ELFN1: variants seen among roughly 807,000 people sequenced by gnomAD.
The protein encoded by ELFN1 is extracellular leucine rich repeat and fibronectin type III domain containing 1.
ELFN1 carries 6 observed loss-of-function variants against 7.6 expected under a neutral mutation model. That is an observed-to-expected ratio of 0.79 (90% CI 0.43 to 1.56). The LOEUF is 1.56. ELFN1 is among the 40% of genes most tolerant of loss of function. The probability of loss-of-function intolerance (pLI) is 0.01; values close to 1 mark genes in which losing one functional copy is unlikely to be tolerated. For synonymous variants in ELFN1, 657 were observed against 588.1 expected (o/e 1.12, Z -1.70); for missense variants, 1,169 against 1,232.2 (o/e 0.95, Z 0.77).
intron 1 of ELFN1, among the ~76,000 whole-genome samples, chr7:1,674,876 C>T (rs768286646): frequency 1.3e-5 from 2 of 152,162 alleles, no homozygotes; most frequent in Non-Finnish European, 2.9e-5. Flanking sequence ...CCAGCCCAGC[C>T]ATCACCAGGT....
chr7:1,707,576 C>T (rs955426680), intron 2 of ELFN1, among the ~76,000 whole-genome samples: 1 of 152,196 alleles, frequency 6.6e-6, no homozygotes, highest in African/African-American at 2.4e-5. Flanking sequence ...GGGCGGCTCA[C>T]AGAGCAAAGG....
At position 1,673,085 on chromosome 7, in the gene ELFN1, G is replaced by A. The variant is rs1340054010; in HGVS notation, c.-549+2731G>A. ...TGGATACATTTGTCATCTCTCCAGC[G>A]CCCCCCCCCGCTCTTTCCTTTTTGT... On this transcript the variant is annotated intron_variant, in intron 1 of 3. Transcript: ENST00000424383. This position sits in a 1 kb window ranked among gnomAD's most constrained non-coding sequence, Gnocchi z 4.7. Among the ~76,000 whole-genome samples the A allele has an allele frequency of 4.5e-5, 4 of 89,108 alleles. No homozygotes were observed. The highest frequency in any genetic ancestry group is 8.0e-5 in the Non-Finnish European group (4 of 50,060). The allele number at this position is 89,108 out of a possible 152,430, so 58.5% of individuals were successfully genotyped here.
intron 1 of ELFN1, among the ~76,000 whole-genome samples, chr7:1,684,840 T>G (rs1263185789): frequency 6.6e-6 from 1 of 152,192 alleles, no homozygotes. Flanking sequence ...GTTAAAAATA[T>G]TGCTTTATAC....
intron 3 of ELFN1, among the ~76,000 whole-genome samples, chr7:1,741,734 C>T (rs541141612): frequency 6.6e-6 from 1 of 152,242 alleles, no homozygotes; most frequent in South Asian, 2.1e-4. Flanking sequence ...ACATACAGAC[C>T]CCCGTGCATG....
chr7:1,707,507 TGGGA>T (rs1779560351), intron 2 of ELFN1, among the ~76,000 whole-genome samples: 1 of 152,116 alleles, frequency 6.6e-6, no homozygotes, highest in South Asian at 2.1e-4. Context: ...ATGGGTGCCC[TGGGA>T]GGGGCCTTGG....
chr7:1,727,136 C>T (rs1381735190), intron 3 of ELFN1, among the ~76,000 whole-genome samples: 4 of 152,102 alleles, frequency 2.6e-5, no homozygotes, highest in African/African-American at 2.4e-5. Flanking sequence ...CCTTCCCTGC[C>T]CACACCCAAG....
intron 2 of ELFN1, among the ~76,000 whole-genome samples, chr7:1,704,867 C>T (rs1173620983): frequency 6.6e-6 from 1 of 152,082 alleles, no homozygotes; most frequent in Non-Finnish European, 1.5e-5. Context: ...GCCCTGTCCA[C>T]CAGGGCTCGA....
intron 2 of ELFN1, chr7:1,694,474 G>A (rs1269407608): frequency 6.5e-6 from 1 of 153,646 alleles, no homozygotes; most frequent in Non-Finnish European, 1.4e-5. Context: ...GGAGTGGGGT[G>A]AGGCTCCGGG....
intron 3 of ELFN1, among the ~76,000 whole-genome samples, chr7:1,730,986 C>T (rs1161620214): frequency 6.6e-6 from 1 of 152,092 alleles, no homozygotes; most frequent in Non-Finnish European, 1.5e-5. Context: ...CCAACATATA[C>T]AAATCAATAA....
At chr7:1,729,221 A>C (rs1483484847) in intron 3 of ELFN1, among the ~76,000 whole-genome samples, 1 of 152,138 alleles carries the variant, frequency 6.6e-6, no homozygotes, top group Non-Finnish European at 1.5e-5. Flanking sequence ...AGCTTGGAGG[A>C]GGCCTGGGGC....
Position 1,739,702 on chromosome 7 carries a change from G to A in ELFN1, c.-293-4602G>A, listed in dbSNP as rs1231564592. The stretch of plus-strand genomic sequence containing the variant: ...GCTGGAGTGGAGAGGGCGGCAGGAG[G>A]GAGCCAGCAGCTTCCTGGGCCAAGG... On this transcript the variant is annotated intron_variant, in intron 3 of 3. Coordinates refer to ENST00000424383, the MANE Select transcript of ELFN1 (RefSeq NM_001128636.4). This position sits in a 1 kb window ranked among gnomAD's most constrained non-coding sequence, Gnocchi z 4.6. Among the ~76,000 whole-genome samples the A allele has an allele frequency of 3.9e-5, 6 of 152,266 alleles. No homozygotes were observed. Among genetic ancestry groups the A allele is most frequent in the Non-Finnish European group, 5.9e-5 (4 of 68,012 alleles).
Position 1,683,820 on chromosome 7 carries a change from T to C in ELFN1, c.-548-4238T>C, listed in dbSNP as rs532869696. Among the ~76,000 whole-genome samples the C allele has an allele frequency of 9.2e-5, 14 of 152,348 alleles. No individual in the cohort carries two copies. The South Asian group carries it at 2.9e-3, about 32-fold the overall frequency. On this transcript the variant is annotated intron_variant, in intron 1 of 3. Transcript: ENST00000424383. ...CCTTCCTCTTTGTCTTTGACAATAT[T>C]TCTTGTCTTAAAGTCTATTTTATCT...
intron 3 of ELFN1, among the ~76,000 whole-genome samples, chr7:1,728,180 A>G (rs1357166906): frequency 1.3e-5 from 2 of 152,164 alleles, no homozygotes; most frequent in African/African-American, 4.8e-5. Context: ...GGGTGAGAAC[A>G]GAAGGTCTCC....
Position 1,744,477 on chromosome 7 carries a change from A to G in ELFN1, c.-120A>G, listed in dbSNP as rs1254063293. ...GCGGCCATGCGGTTTGGGACAGGACACCCCTGAGAGTGCAGGCACCTCCCC... is the reference window on the plus strand; with the variant it reads ...GCGGCCATGCGGTTTGGGACAGGACGCCCCTGAGAGTGCAGGCACCTCCCC... On this transcript the variant is annotated 5_prime_UTR_variant, in exon 4 of 4. Transcript: ENST00000424383. 1.7e-6 allele frequency: 2 copies of G among 1,190,578 alleles called. No homozygotes were observed. The highest frequency in any genetic ancestry group is 2.3e-6 in the Non-Finnish European group (2 of 887,454). 73.8% of individuals were successfully genotyped at this position (1,190,578 alleles called of 1,614,324 possible).
At chr7:1,720,547 C>A (rs1779987765) in intron 3 of ELFN1, among the ~76,000 whole-genome samples, 1 of 152,200 alleles carries the variant, frequency 6.6e-6, no homozygotes, top group Admixed American at 6.5e-5. Context: ...AATAACCGGG[C>A]CCCATCTAAC....
intron 3 of ELFN1, among the ~76,000 whole-genome samples, chr7:1,725,351 G>A (rs796225598): frequency 2.0e-4 from 30 of 152,338 alleles, no homozygotes; most frequent in African/African-American, 7.0e-4. Context: ...GTGGAGAGGA[G>A]AGGAGACAGT....
intron 1 of ELFN1, among the ~76,000 whole-genome samples, chr7:1,685,430 C>T (rs765258884): frequency 2.0e-4 from 31 of 152,128 alleles, no homozygotes; most frequent in South Asian, 2.1e-4. Flanking sequence ...TCTCTTGAGA[C>T]TCCCATCACC....
At chr7:1,690,635 A>T (rs994477590) in intron 2 of ELFN1, among the ~76,000 whole-genome samples, 1 of 136,944 alleles carries the variant, frequency 7.3e-6, no homozygotes, top group Non-Finnish European at 1.6e-5. Flanking sequence ...TGAAGGATGA[A>T]TGGATGAATG....
chr7:1,746,172 A>G lies in ELFN1; in HGVS notation c.1576A>G (p.Met526Val). The change falls in exon 4 of 4, where the codon ATG becomes GTG. Residue 526 changes from methionine to valine, a missense_variant. Met to Val is a conservative substitution (Grantham distance 21). Around this residue, in one of 2 missense-constraint regions of ELFN1, gnomAD observed 914 missense variants for 872.6 expected, o/e 1.05. Transcript: ENST00000424383. The part of the protein sequence containing the change: ...DTPKASKGSY[M>V]EVRTGDPPER... ...CCCCAAGGCCAGCAAGGGCAGCTACATGGAGGTTCGAACCGGGGACCCTCC... is the reference window on the plus strand; with the variant it reads ...CCCCAAGGCCAGCAAGGGCAGCTACGTGGAGGTTCGAACCGGGGACCCTCC... 2.6e-6 allele frequency: 4 copies of G among 1,549,828 alleles called. No homozygotes were observed. Among genetic ancestry groups the G allele is most frequent in the Non-Finnish European group, 3.5e-6 (4 of 1,146,876 alleles).
Sources: allele counts gnomAD v4.1 joint callset (sites outside exome capture counted in the v4.1 genomes callset), GRCh38; gene constraint gnomAD v4.1.1; regional missense constraint gnomAD v4.1.1; non-coding constraint Gnocchi (gnomAD v3.1); transcripts MANE v1.5; gene names NCBI Gene and HGNC (gene_info 2026-07-23, HGNC 2026-07-21).